The following FHIT variants were observed in gnomAD, a reference collection of about 807,000 sequenced individuals.
The protein encoded by FHIT is fragile histidine triad diadenosine triphosphatase.
FHIT carries 19 observed loss-of-function variants against 17.9 expected under a neutral mutation model. The observed-to-expected ratio is 1.06, with a 90% CI of 0.74 to 1.56. The LOEUF (loss-of-function observed/expected upper bound fraction) is 1.56, where lower values mean the gene tolerates loss of function less well. Ranked by LOEUF, FHIT falls within the 40% of genes most tolerant of loss-of-function variation. The pLI is 0.00. For missense variants in FHIT, 248 were observed against 189.2 expected, an observed-to-expected ratio of 1.31 and a Z score of -1.82; for synonymous variants, 81 against 69.7, an observed-to-expected ratio of 1.16 and a Z score of -0.81.
intron 3 of FHIT, among the ~76,000 whole-genome samples, chr3:60,899,014 A>G (rs1705969168): frequency 6.6e-6 from 1 of 152,204 alleles, no homozygotes; most frequent in South Asian, 2.1e-4. Flanking sequence ...TAATTGAAAA[A>G]CAATAACATG....
chr3:60,031,199 G>A (rs543487120), intron 5 of FHIT, among the ~76,000 whole-genome samples: 2 of 152,210 alleles, frequency 1.3e-5, no homozygotes, highest in Admixed American at 6.5e-5. Flanking sequence ...GTCTGGTGTT[G>A]AGTTGAGGGA....
At chr3:60,719,532 C>CTACA (rs1553707560) in intron 4 of FHIT, among the ~76,000 whole-genome samples, 1 of 152,140 alleles carries the variant, frequency 6.6e-6, no homozygotes, top group Non-Finnish European at 1.5e-5. Flanking sequence ...CTCCACTCTA[C>CTACA]TACATCTGAA....
At chr3:61,059,470 C>G (rs913510339) in intron 2 of FHIT, among the ~76,000 whole-genome samples, 1 of 149,648 alleles carries the variant, frequency 6.7e-6, no homozygotes, top group Admixed American at 6.7e-5. Context: ...CTGGTTACAC[C>G]TATTCTTGTG....
At chr3:60,364,010 A>G (rs35447167) in intron 5 of FHIT, among the ~76,000 whole-genome samples, 66,510 of 151,470 alleles carry the variant, frequency 0.44, 14,816 homozygotes, top group East Asian at 0.63. Context: ...GCCGTTACTC[A>G]TCCCAGTAAC....
chr3:60,595,947 A>G (rs986520968), intron 4 of FHIT, among the ~76,000 whole-genome samples: 7 of 151,944 alleles, frequency 4.6e-5, no homozygotes, highest in Non-Finnish European at 1.0e-4. Context: ...TTCCTTTGCA[A>G]TACAGTCTAT....
chr3:59,776,826 C>T (rs1317129147), intron 8 of FHIT, among the ~76,000 whole-genome samples: 1 of 152,150 alleles, frequency 6.6e-6, no homozygotes, highest in African/African-American at 2.4e-5. Context: ...CCTTTTATTA[C>T]AGATGAGGAA....
intron 5 of FHIT, among the ~76,000 whole-genome samples, chr3:60,532,843 A>G (rs980290071): frequency 2.0e-5 from 3 of 152,226 alleles, no homozygotes; most frequent in African/African-American, 7.2e-5. Flanking sequence ...GAGCAAAGTC[A>G]TAAGAAATAA....
intron 5 of FHIT, among the ~76,000 whole-genome samples, chr3:60,039,076 G>A (rs1701335402): frequency 6.6e-6 from 1 of 152,112 alleles, no homozygotes; most frequent in East Asian, 1.9e-4. Flanking sequence ...CTATATGTAT[G>A]CCTGAAACCT....
intron 3 of FHIT, among the ~76,000 whole-genome samples, chr3:60,890,190 G>A (rs1242454178): frequency 4.7e-5 from 6 of 127,446 alleles, no homozygotes; most frequent in African/African-American, 1.9e-4. Flanking sequence ...CTTCTACTTT[G>A]AAACTTTCCA....
At chr3:60,412,691 A>T (rs1490984903) in intron 5 of FHIT, among the ~76,000 whole-genome samples, 2 of 152,164 alleles carry the variant, frequency 1.3e-5, no homozygotes, top group East Asian at 3.9e-4. Flanking sequence ...GACTGAGCAG[A>T]GTCTCAAACT....
rs759717377 is a variant in FHIT at position 61,104,238 on chromosome 3, A to G, written c.-163-62139T>C. 5.3e-5 allele frequency among the ~76,000 whole-genome samples: 8 copies of G among 152,266 alleles called. 1 individual carries two copies. Among genetic ancestry groups the G allele is most frequent in the Admixed American group, 4.6e-4 (7 of 15,298 alleles). On this transcript the variant is annotated intron_variant, in intron 2 of 9. Transcript: ENST00000492590. ...TCTTCCCGTATTTAGTGCTTCCTTC[A>G]GGAGATCTTGTAAGGCAGGTCTGCT...
rs1400029416 is a variant in FHIT, at chr3:60,642,834, C to T, written c.-17-105855G>A. ...TGCTGCTTTCTCTGCCCTTAATGTG[C>T]TTTCCTCCCTTCCTTCACTTGTTAA... is the stretch of plus-strand genomic sequence containing the variant. On this transcript the variant is annotated intron_variant, in intron 4 of 9. Transcript: ENST00000492590. Among the ~76,000 whole-genome samples the T allele has an allele frequency of 2.6e-5, 4 of 152,126 alleles. No homozygotes were observed. The East Asian group carries it at 7.7e-4, about 29-fold the overall frequency.
intron 5 of FHIT, among the ~76,000 whole-genome samples, chr3:60,379,759 T>G (rs1198546038): frequency 7.2e-5 from 11 of 152,170 alleles, no homozygotes; most frequent in Admixed American, 7.2e-4. Flanking sequence ...AGGAGATACC[T>G]AGTTTTCAGA....
At chr3:60,092,348 C>T (rs938356189) in intron 5 of FHIT, among the ~76,000 whole-genome samples, 3 of 152,176 alleles carry the variant, frequency 2.0e-5, no homozygotes, top group African/African-American at 7.2e-5. Context: ...TCAACTTCTT[C>T]ATCTGGTTCT....
intron 2 of FHIT, among the ~76,000 whole-genome samples, chr3:61,190,516 A>AGTGTG (rs1471358211): frequency 6.6e-6 from 1 of 152,220 alleles, no homozygotes; most frequent in African/African-American, 2.4e-5. Context: ...TGTGGAAGTC[A>AGTGTG]GTGTGGTGAT....
intron 5 of FHIT, among the ~76,000 whole-genome samples, chr3:60,410,322 C>G (rs1702017093): frequency 6.6e-6 from 1 of 151,890 alleles, no homozygotes; most frequent in South Asian, 2.1e-4. Flanking sequence ...GTTAAGGGTA[C>G]TAAAGAAAAG....
intron 7 of FHIT, among the ~76,000 whole-genome samples, chr3:60,001,330 C>G (rs1699721493): frequency 6.6e-6 from 1 of 152,114 alleles, no homozygotes; most frequent in Admixed American, 6.5e-5. Context: ...TTTCAGCCTT[C>G]CTGCATTATG....
intron 3 of FHIT, among the ~76,000 whole-genome samples, chr3:60,836,147 G>C (rs1449885350): frequency 6.6e-6 from 1 of 151,968 alleles, no homozygotes; most frequent in Non-Finnish European, 1.5e-5. Flanking sequence ...ATTTCGTCGT[G>C]GTATATTATT....
chr3:60,722,273 A>C (rs1553708236), intron 4 of FHIT, among the ~76,000 whole-genome samples: 1 of 152,266 alleles, frequency 6.6e-6, no homozygotes, highest in Non-Finnish European at 1.5e-5. Context: ...TGCTTACAGC[A>C]TCCTTTACTA....
Sources: gnomAD v4.1 joint callset for allele counts (sites outside exome capture counted in the v4.1 genomes callset) on GRCh38, gnomAD v4.1.1 for gene constraint, MANE v1.5 for transcripts, NCBI Gene and HGNC (gene_info 2026-07-23, HGNC 2026-07-21) for gene names.